Variants in SBNO1 observed in about 807,000 individuals in gnomAD.
SBNO1 encodes the protein strawberry notch homolog 1, also known as protein strawberry notch homolog 1.
Under a neutral mutation model 173.6 loss-of-function variants are expected in SBNO1, and 23 were observed. The ratio of observed to expected loss-of-function variants is 0.13; its 90% confidence interval spans 0.10 to 0.19. The LOEUF is 0.19. Among genes scored for constraint, SBNO1 ranks in the 10% least tolerant of loss-of-function variants. SBNO1 has a pLI of 1.00. For missense variants in SBNO1, 1,238 were observed against 1,671.2 expected (o/e 0.74, Z 4.52); for synonymous variants, 632 against 571.5 (o/e 1.11, Z -1.51).
intron 17 of SBNO1, 63 bp downstream of exon 17, chr12:123,321,472 T>A (rs1869970324): frequency 8.4e-7 from 1 of 1,186,892 alleles, no homozygotes; most frequent in South Asian, 1.2e-5. Flanking sequence ...AGGTTTCATA[T>A]CCCATTTTCA....
At chr12:123,319,433 G>A (rs562158101) in intron 20 of SBNO1, among the ~76,000 whole-genome samples, 1 of 152,056 alleles carries the variant, frequency 6.6e-6, no homozygotes, top group Non-Finnish European at 1.5e-5. Context: ...AAAAATTTGT[G>A]TAATAGCTCT....
Position 123,323,508 on chromosome 12 carries a change from C to A in SBNO1, c.2125+172G>T, listed in dbSNP as rs368207626. Among the ~76,000 whole-genome samples the A allele has an allele frequency of 1.3e-3, 198 of 152,160 alleles. 2 individuals carry two copies. In the South Asian group the frequency reaches 0.023, roughly 18 times the overall value. ...TAGCTGGGACTATAGGTGCCCACCA[C>A]GATGCCCGGCTAATTTTTTGTATTT... On this transcript the variant is annotated intron_variant, in intron 16 of 31. Coordinates refer to ENST00000602398, the MANE Select transcript of SBNO1 (RefSeq NM_001167856.3).
chr12:123,297,472 A>T, intron 31 of SBNO1, among the ~76,000 whole-genome samples: 1 of 142,686 alleles, frequency 7.0e-6, no homozygotes, highest in Non-Finnish European at 1.5e-5. Flanking sequence ...AATCCGTGGT[A>T]GAGGAAGGCT....
chr12:123,362,849 G>T (rs1241683125), intron 1 of SBNO1, among the ~76,000 whole-genome samples: 1 of 151,246 alleles, frequency 6.6e-6, no homozygotes, highest in Non-Finnish European at 1.5e-5. Flanking sequence ...ACTTCGGGAA[G>T]CGGAGGCCAG....
chr12:123,297,851 G>A (rs1261957719), intron 31 of SBNO1, 127 bp downstream of exon 31: 15 of 769,162 alleles, frequency 2.0e-5, no homozygotes, highest in Non-Finnish European at 3.0e-5. Flanking sequence ...AATATAAAAC[G>A]GGTCCCATAC....
At chr12:123,322,873 C>A (rs570170493) in intron 16 of SBNO1, among the ~76,000 whole-genome samples, 2 of 149,982 alleles carry the variant, frequency 1.3e-5, no homozygotes, top group South Asian at 2.1e-4. Flanking sequence ...GAGACGGAGA[C>A]CCTGTCTCAA....
chr12:123,306,268 T>TTA (rs1481619946), intron 28 of SBNO1, among the ~76,000 whole-genome samples: 1 of 152,194 alleles, frequency 6.6e-6, no homozygotes, highest in Non-Finnish European at 1.5e-5. Context: ...GTCAGGTTAA[T>TTA]TATACATCAT....
chr12:123,353,235 C>CA (rs1292002317), intron 1 of SBNO1, among the ~76,000 whole-genome samples: 3 of 152,134 alleles, frequency 2.0e-5, no homozygotes, highest in African/African-American at 7.2e-5. Context: ...TTACCATACT[C>CA]AAGCCCAAAA....
In SBNO1 at chr12:123,341,163, G is replaced by GT. The variant is rs1212069836; in HGVS notation, c.551-76dup. 5 of 877,432 alleles carry GT rather than the reference G, an allele frequency of 5.7e-6. No individual in the cohort carries two copies. The African/African-American group carries it at 6.9e-5, about 12-fold the overall frequency. 54.4% of individuals were successfully genotyped at this position (877,432 alleles called of 1,614,324 possible). ...TTTCCCATTATTTAAAAATCCAGAA[G>GT]TTTAAGGCTGCTGCGGTGGCTCACA... On this transcript the variant is annotated intron_variant, in intron 4 of 31. Coordinates refer to ENST00000602398, the MANE Select transcript of SBNO1 (RefSeq NM_001167856.3).
chr12:123,308,226 TG>T (rs2048969030), intron 28 of SBNO1, among the ~76,000 whole-genome samples: 1 of 152,216 alleles, frequency 6.6e-6, no homozygotes, highest in South Asian at 2.1e-4. Context: ...CATGTATAGA[TG>T]TGTGCGCACA....
At chr12:123,351,179 G>A (rs908697127) in intron 1 of SBNO1, among the ~76,000 whole-genome samples, 1 of 152,092 alleles carries the variant, frequency 6.6e-6, no homozygotes, top group African/African-American at 2.4e-5. Context: ...GGGTATGGAA[G>A]CTCAGAACAG....
At chr12:123,361,671 T>C (rs1228111131) in intron 1 of SBNO1, among the ~76,000 whole-genome samples, 2 of 139,420 alleles carry the variant, frequency 1.4e-5, no homozygotes, top group African/African-American at 2.7e-5. Context: ...GAGCGGGAGG[T>C]TGCAGTGAGC....
intron 16 of SBNO1, among the ~76,000 whole-genome samples, chr12:123,322,606 C>T (rs1034187797): frequency 1.8e-4 from 27 of 151,576 alleles, no homozygotes; most frequent in African/African-American, 6.3e-4. Context: ...GAGAAGTCAA[C>T]TTCTAAAACC....
Position 123,301,713 on chromosome 12 carries a change from G to C in SBNO1, c.3845+1111C>G, listed in dbSNP as rs187537913. Among the ~76,000 whole-genome samples the C allele has an allele frequency of 3.7e-4, 57 of 152,178 alleles. 1 individual carries two copies. The highest frequency in any genetic ancestry group is 1.6e-3 in the Admixed American group (24 of 15,280). ...CTTTGGGAATCTCCCTGGTTTCTTA[G>C]ACATTCCCTAGATCTGGGACACCAG... On this transcript the variant is annotated intron_variant, in intron 30 of 31. Transcript: ENST00000602398.
chr12:123,321,360 T>C lies in SBNO1; in HGVS notation c.2323+175A>G, dbSNP rs188409895. ...ACTGCACAAAATTGAGGTTATCTTCTCACATATATGAGGCTCAAACTTCCA... is the reference window on the plus strand; with the variant it reads ...ACTGCACAAAATTGAGGTTATCTTCCCACATATATGAGGCTCAAACTTCCA... On this transcript the variant is annotated intron_variant, in intron 17 of 31. Transcript: ENST00000602398. 2.5e-3 allele frequency among the ~76,000 whole-genome samples: 382 copies of C among 152,308 alleles called. 2 individuals are homozygous for C. Among genetic ancestry groups the C allele is most frequent in the African/African-American group, 8.1e-3 (337 of 41,578 alleles).
intron 1 of SBNO1, among the ~76,000 whole-genome samples, chr12:123,356,537 G>A (rs1446286740): frequency 6.6e-6 from 1 of 152,190 alleles, no homozygotes; most frequent in Non-Finnish European, 1.5e-5. Context: ...GCCCCCCTGG[G>A]TTCAAGCGAT....
intron 15 of SBNO1, among the ~76,000 whole-genome samples, chr12:123,325,171 C>T (rs565410442): frequency 3.9e-5 from 6 of 152,246 alleles, no homozygotes; most frequent in South Asian, 2.1e-4. Flanking sequence ...CTGTGGATAA[C>T]GGTAATTTCA....
Position 123,327,966 on chromosome 12 carries a change from G to C in SBNO1, c.1358C>G (p.Thr453Ser). 3 of 1,613,338 alleles carry C rather than the reference G, an allele frequency of 1.9e-6. No homozygotes were observed. The highest frequency in any genetic ancestry group is 1.7e-6 in the Non-Finnish European group (2 of 1,179,524). Residue 453 changes from threonine to serine, a missense_variant, in exon 11 of 32, where the codon ACC (threonine) becomes AGC (serine). By Grantham distance (58) the Thr-to-Ser change is moderately conservative. This residue lies in a region of SBNO1 where 182 missense variants were observed against 339.9 expected (regional missense o/e 0.54). Transcript: ENST00000602398. ...NLCPVGSSKP[T>S]KTGLAVLELQ... ...CTCTAAAACTGCTAAGCCTGTCTTG[G>C]TTGGCTTTGAAGAACCAACAGGACA...
chr12:123,359,530 G>A (rs1874872055), intron 1 of SBNO1, among the ~76,000 whole-genome samples: 1 of 143,572 alleles, frequency 7.0e-6, no homozygotes, highest in Admixed American at 7.1e-5. Context: ...ACTCCAGACT[G>A]GGCAACAGAG....
Sources: gnomAD v4.1 joint callset for allele counts (sites outside exome capture counted in the v4.1 genomes callset) on GRCh38, gnomAD v4.1.1 for gene constraint, gnomAD v4.1.1 regional missense constraint, MANE v1.5 for transcripts, NCBI Gene and HGNC (gene_info 2026-07-23, HGNC 2026-07-21) for gene names.